ENOX1: variants seen among roughly 807,000 people sequenced by gnomAD.
ENOX1 encodes ecto-NOX disulfide-thiol exchanger 1.
ENOX1 carries 42 observed loss-of-function variants against 82.5 expected under a neutral mutation model. The ratio of observed to expected loss-of-function variants is 0.51; its 90% CI spans 0.40 to 0.66. ENOX1 has a LOEUF of 0.66. ENOX1 is among the 30% of genes least tolerant of loss of function. The pLI, the probability that ENOX1 is intolerant of heterozygous loss-of-function variation, is 0.00. For missense variants in ENOX1, 608 were observed against 811.6 expected (o/e 0.75, Z 3.05); for synonymous variants, 271 against 282.2 (o/e 0.96, Z 0.40).
intron 2 of ENOX1, among the ~76,000 whole-genome samples, chr13:43,560,109 T>C (rs1295556251): frequency 6.6e-6 from 1 of 152,154 alleles, no homozygotes; most frequent in Non-Finnish European, 1.5e-5. Flanking sequence ...TATGGAAACA[T>C]TTGCTATTTT....
At chr13:43,300,087 G>C (rs1356986873) in intron 11 of ENOX1, among the ~76,000 whole-genome samples, 1 of 152,126 alleles carries the variant, frequency 6.6e-6, no homozygotes, top group Non-Finnish European at 1.5e-5. Flanking sequence ...AGTACACACT[G>C]AACTACTAAT....
At chr13:43,759,083 G>C (rs1026505629) in intron 1 of ENOX1, among the ~76,000 whole-genome samples, 1 of 141,678 alleles carries the variant, frequency 7.1e-6, no homozygotes, top group South Asian at 2.3e-4. Flanking sequence ...CTGGCCCCTG[G>C]AACTGATAAG....
intron 2 of ENOX1, among the ~76,000 whole-genome samples, chr13:43,618,069 T>A (rs2082560695): frequency 6.6e-6 from 1 of 152,228 alleles, no homozygotes; most frequent in Admixed American, 6.5e-5. Flanking sequence ...AGCCCACTTT[T>A]TGATGGGACT....
intron 1 of ENOX1, among the ~76,000 whole-genome samples, chr13:43,736,631 T>C (rs2089647572): frequency 6.6e-6 from 1 of 152,130 alleles, no homozygotes; most frequent in Non-Finnish European, 1.5e-5. Flanking sequence ...CTCCGCAGTA[T>C]GGCCCTCTAG....
At chr13:43,396,853 C>A (rs959369115) in intron 5 of ENOX1, among the ~76,000 whole-genome samples, 11 of 152,224 alleles carry the variant, frequency 7.2e-5, no homozygotes, top group Non-Finnish European at 1.6e-4. Flanking sequence ...AAAGTCAGAG[C>A]TTTAAGGGAG....
chr13:43,327,941 A>C (rs1262987146), intron 9 of ENOX1, among the ~76,000 whole-genome samples: 1 of 152,100 alleles, frequency 6.6e-6, no homozygotes, highest in Non-Finnish European at 1.5e-5. Context: ...TATTTTTACT[A>C]TTTTCCACTT....
chr13:43,526,728 C>T (rs1350251328), intron 2 of ENOX1, among the ~76,000 whole-genome samples: 4 of 151,990 alleles, frequency 2.6e-5, no homozygotes, highest in Admixed American at 2.6e-4. Flanking sequence ...GCCTACTTTA[C>T]TTTTTTCTTA....
At chr13:43,614,019 TC>T (rs2082305210) in intron 2 of ENOX1, among the ~76,000 whole-genome samples, 1 of 152,196 alleles carries the variant, frequency 6.6e-6, no homozygotes, top group African/African-American at 2.4e-5. Flanking sequence ...GTGTCAGCTG[TC>T]CTAGGAATGC....
At position 43,213,861 on chromosome 13, in the gene ENOX1, C is replaced by G; in HGVS notation, c.*129G>C. The G allele has an allele frequency of 3.0e-6, 3 of 1,009,466 alleles. No individual in the cohort carries two copies. The highest frequency in any genetic ancestry group is 4.2e-6 in the Non-Finnish European group (3 of 708,680). The allele number at this position is 1,009,466 out of a possible 1,614,324, so 62.5% of individuals were successfully genotyped here. Reference sequence around the variant, plus strand: ...TTACAAGAGAACGCCACAGATATAACTAAAGGCAGGCTTCGATGGCTCCAC... The same window carrying G: ...TTACAAGAGAACGCCACAGATATAAGTAAAGGCAGGCTTCGATGGCTCCAC... On this transcript the variant is annotated 3_prime_UTR_variant, in exon 17 of 17. Coordinates refer to ENST00000690772, the MANE Select transcript of ENOX1 (RefSeq NM_001347969.2).
chr13:43,774,461 T>G (rs1465066371), intron 1 of ENOX1, among the ~76,000 whole-genome samples: 1 of 149,428 alleles, frequency 6.7e-6, no homozygotes, highest in Non-Finnish European at 1.5e-5. Flanking sequence ...CTTCAGTGAT[T>G]ATAGGTGTGC....
chr13:43,638,363 G>T (rs1026063836), intron 2 of ENOX1, among the ~76,000 whole-genome samples: 4 of 151,764 alleles, frequency 2.6e-5, no homozygotes, highest in Non-Finnish European at 5.9e-5. Flanking sequence ...CCTCACCCAA[G>T]GAAATGGAAT....
intron 3 of ENOX1, among the ~76,000 whole-genome samples, chr13:43,482,695 A>C (rs2058553289): frequency 6.6e-6 from 1 of 151,766 alleles, no homozygotes; most frequent in African/African-American, 2.4e-5. Context: ...ATCCCTGGGT[A>C]TGAAGGTTTG....
chr13:43,653,054 TAC>T (rs955203809), intron 2 of ENOX1, among the ~76,000 whole-genome samples: 1 of 152,214 alleles, frequency 6.6e-6, no homozygotes, highest in African/African-American at 2.4e-5. Flanking sequence ...GCAGAGAGGC[TAC>T]AGAGTCCCTC....
At position 43,686,542 on chromosome 13, in the gene ENOX1, G is replaced by A. The variant is rs76314892; in HGVS notation, c.-284-18998C>T. Among the ~76,000 whole-genome samples the A allele has an allele frequency of 5.9e-5, 9 of 152,236 alleles. No individual in the cohort carries two copies. The South Asian group carries it at 6.2e-4, about 11-fold the overall frequency. Reference sequence around the variant, plus strand: ...TGAGGCAAAAGGAGGTTCTGAACTCGAACCATATGAATGTTGACCCACAAA... The same window carrying A: ...TGAGGCAAAAGGAGGTTCTGAACTCAAACCATATGAATGTTGACCCACAAA... On this transcript the variant is annotated intron_variant, in intron 1 of 16. Coordinates refer to ENST00000690772, the MANE Select transcript of ENOX1 (RefSeq NM_001347969.2).
At chr13:43,527,012 C>T (rs1481994988) in intron 2 of ENOX1, among the ~76,000 whole-genome samples, 1 of 152,042 alleles carries the variant, frequency 6.6e-6, no homozygotes, top group African/African-American at 2.4e-5. Flanking sequence ...AAGCAGAGTG[C>T]AGCCCTACAG....
chr13:43,331,543 A>G (rs2153534425), intron 9 of ENOX1, among the ~76,000 whole-genome samples: 1 of 152,306 alleles, frequency 6.6e-6, no homozygotes, highest in East Asian at 1.9e-4. Flanking sequence ...CTCTATGAAT[A>G]GCCCATGAGA....
chr13:43,618,196 G>A (rs1594123741), intron 2 of ENOX1, among the ~76,000 whole-genome samples: 1 of 152,156 alleles, frequency 6.6e-6, no homozygotes, highest in African/African-American at 2.4e-5. Flanking sequence ...TCTGTGGTTT[G>A]TGTGTTTACT....
At chr13:43,225,564 C>A (rs753578044) in intron 15 of ENOX1, among the ~76,000 whole-genome samples, 2 of 152,132 alleles carry the variant, frequency 1.3e-5, no homozygotes, top group African/African-American at 2.4e-5. Context: ...CAGGGAAGAC[C>A]CTCACCTGTA....
intron 1 of ENOX1, among the ~76,000 whole-genome samples, chr13:43,769,051 G>A (rs1289286274): frequency 4.6e-5 from 7 of 152,196 alleles, no homozygotes; most frequent in Non-Finnish European, 1.0e-4. Context: ...GGTGAACAAT[G>A]TGGTAAAGGA....
Sources: allele counts gnomAD v4.1 joint callset (sites outside exome capture counted in the v4.1 genomes callset), GRCh38; gene constraint gnomAD v4.1.1; transcripts MANE v1.5; gene names NCBI Gene and HGNC (gene_info 2026-07-23, HGNC 2026-07-21).